DACH2: variants seen among roughly 807,000 people sequenced by gnomAD.
DACH2 encodes dachshund homolog 2.
Under a neutral mutation model 35.8 loss-of-function variants are expected in DACH2, and 17 were observed. That is an observed-to-expected ratio of 0.48 (90% CI 0.33 to 0.71). The LOEUF (loss-of-function observed/expected upper bound fraction) is 0.71. Ranked by LOEUF, DACH2 falls within the 30% of genes least tolerant of loss-of-function variation. The pLI is 0.02. For synonymous variants in DACH2, 195 were observed against 177.3 expected, an observed-to-expected ratio of 1.10 and a Z score of -0.79; for missense variants, 469 against 472.7, an observed-to-expected ratio of 0.99 and a Z score of 0.07.
chrX:86,751,468 A>C (rs1358219462), intron 7 of DACH2, among the ~76,000 whole-genome samples: 1 of 110,986 alleles, frequency 9.0e-6, no homozygotes, highest in African/African-American at 3.3e-5. Context: ...AAAATTCAAC[A>C]CCCCTTCATG....
At chrX:86,774,644 C>T (rs2042014670) in intron 7 of DACH2, among the ~76,000 whole-genome samples, 2 of 111,686 alleles carry the variant, frequency 1.8e-5, no homozygotes, top group Non-Finnish European at 3.8e-5. Context: ...CACAATGGTT[C>T]GGATCCTTTA....
Position 86,398,367 on chromosome X carries a change from G to GT in DACH2, c.527+21512dup, listed in dbSNP as rs1437422829. Reference sequence around the variant, plus strand: ...CCTGGATTCATTGATTTTTTGAAGGGTTTTTTTGTGTCTCTATTTCCTTCA... The same window carrying GT: ...CCTGGATTCATTGATTTTTTGAAGGGTTTTTTTTGTGTCTCTATTTCCTTCA... On this transcript the variant is annotated intron_variant, in intron 2 of 11. Coordinates refer to ENST00000373125, the MANE Select transcript of DACH2 (RefSeq NM_053281.3). Among the ~76,000 whole-genome samples the GT allele has an allele frequency of 2.3e-4, 26 of 112,253 alleles. 1 individual carries two copies. In the East Asian group the frequency reaches 6.4e-3, roughly 28 times the overall value.
intron 5 of DACH2, among the ~76,000 whole-genome samples, chrX:86,713,430 G>A (rs1036432640): frequency 9.0e-6 from 1 of 111,139 alleles, no homozygotes; most frequent in Non-Finnish European, 1.9e-5. Context: ...AAAGTGAAGC[G>A]ATTACCAAGA....
At chrX:86,470,785 A>G (rs2037749689) in intron 2 of DACH2, among the ~76,000 whole-genome samples, 1 of 111,531 alleles carries the variant, frequency 9.0e-6, no homozygotes, top group African/African-American at 3.3e-5. Flanking sequence ...CCAAATCTGT[A>G]AAAATAAAAG....
intron 3 of DACH2, among the ~76,000 whole-genome samples, chrX:86,620,900 C>T (rs771281604): frequency 4.0e-4 from 44 of 110,804 alleles, no homozygotes; most frequent in Non-Finnish European, 7.7e-4. Flanking sequence ...TCTCTGTTTT[C>T]AGTATAGAGA....
At chrX:86,329,465 T>C (rs934643394) in intron 1 of DACH2, among the ~76,000 whole-genome samples, 1 of 111,422 alleles carries the variant, frequency 9.0e-6, no homozygotes, top group African/African-American at 3.3e-5. Flanking sequence ...TTGTGATGGC[T>C]CCAGTGGGAG....
At chrX:86,321,171 T>C (rs1233252430) in intron 1 of DACH2, among the ~76,000 whole-genome samples, 1 of 111,313 alleles carries the variant, frequency 9.0e-6, no homozygotes, top group Admixed American at 9.6e-5. Flanking sequence ...TTGAAGAGGG[T>C]CTTAGTGCCT....
At chrX:86,204,032 G>A (rs2032221492) in intron 1 of DACH2, among the ~76,000 whole-genome samples, 1 of 111,502 alleles carries the variant, frequency 9.0e-6, no homozygotes, top group Non-Finnish European at 1.9e-5. Flanking sequence ...TATTATTTGT[G>A]TATTTAAGCC....
intron 7 of DACH2, among the ~76,000 whole-genome samples, chrX:86,774,647 A>T (rs1347063254): frequency 1.8e-5 from 2 of 111,927 alleles, no homozygotes; most frequent in Non-Finnish European, 3.8e-5. Flanking sequence ...AATGGTTCGG[A>T]TCCTTTACAT....
Position 86,607,529 on chromosome X carries a change from T to C in DACH2, c.641-43507T>C, listed in dbSNP as rs1464096286. ...GTTTCCCCAGTTTTTATCTTTTTGTTGTTTCTATTTATATCTTATTGTACT... is the reference window on the plus strand; with the variant it reads ...GTTTCCCCAGTTTTTATCTTTTTGTCGTTTCTATTTATATCTTATTGTACT... On this transcript the variant is annotated intron_variant, in intron 3 of 11. Coordinates refer to ENST00000373125, the MANE Select transcript of DACH2 (RefSeq NM_053281.3). Among the ~76,000 whole-genome samples the C allele has an allele frequency of 1.8e-5, 2 of 111,571 alleles. 1 individual carries two copies. Among genetic ancestry groups the C allele is most frequent in the Non-Finnish European group, 3.8e-5 (2 of 53,112 alleles).
intron 1 of DACH2, among the ~76,000 whole-genome samples, chrX:86,275,054 G>A (rs2033893208): frequency 9.0e-6 from 1 of 111,556 alleles, no homozygotes; most frequent in South Asian, 3.7e-4. Flanking sequence ...ATTTCTACTG[G>A]CATATTTTAG....
chrX:86,254,807 T>TATATATATATATAGAGAGAGAG (rs1380613474), intron 1 of DACH2, among the ~76,000 whole-genome samples: 4 of 49,652 alleles, frequency 8.1e-5, no homozygotes, highest in African/African-American at 4.7e-4. Flanking sequence ...TATATATATA[T>TATATATATATATAGAGAGAGAG]AGAGAGAGAG....
At position 86,726,307 on chromosome X, in the gene DACH2, A is replaced by C. The variant is rs141704600; in HGVS notation, c.1104+11587A>C. On this transcript the variant is annotated intron_variant, in intron 6 of 11. Transcript: ENST00000373125. ...TGGCAGATGCAGCAGAGTCAGCCCA[A>C]ACTCTGTCCATTGGTGGGGCACAGC... Among the ~76,000 whole-genome samples, 473 of 111,429 alleles carry C rather than the reference A, an allele frequency of 4.2e-3. 3 individuals carry two copies. The highest frequency in any genetic ancestry group is 0.015 in the African/African-American group (449 of 30,629).
intron 2 of DACH2, among the ~76,000 whole-genome samples, chrX:86,430,758 A>C (rs1188790697): frequency 1.8e-5 from 2 of 112,221 alleles, no homozygotes; most frequent in Non-Finnish European, 3.8e-5. Flanking sequence ...TAAGGATCCC[A>C]AAAAGCATTC....
At chrX:86,399,287 G>C (rs1018294410) in intron 2 of DACH2, among the ~76,000 whole-genome samples, 1 of 111,525 alleles carries the variant, frequency 9.0e-6, no homozygotes, top group African/African-American at 3.3e-5. Flanking sequence ...CTGCACATGA[G>C]ATGAGTTTCC....
intron 1 of DACH2, among the ~76,000 whole-genome samples, chrX:86,171,369 C>T (rs921547754): frequency 2.7e-5 from 3 of 110,948 alleles, no homozygotes; most frequent in Admixed American, 1.9e-4. Context: ...TGCCTTCCCC[C>T]GCAACCACCC....
chrX:86,187,836 G>T (rs2031727099), intron 1 of DACH2, among the ~76,000 whole-genome samples: 1 of 111,647 alleles, frequency 9.0e-6, no homozygotes, highest in Non-Finnish European at 1.9e-5. Flanking sequence ...AAGAAAGGAG[G>T]AACCTCTAGG....
intron 6 of DACH2, among the ~76,000 whole-genome samples, chrX:86,719,988 G>A (rs6623763): frequency 1.1e-5 from 1 of 93,172 alleles, no homozygotes; most frequent in Non-Finnish European, 2.1e-5. Flanking sequence ...GCCCAGCCTA[G>A]AGTGCAGTGG....
intron 7 of DACH2, among the ~76,000 whole-genome samples, chrX:86,788,100 C>T (rs1000464261): frequency 1.8e-5 from 2 of 110,784 alleles, no homozygotes; most frequent in Non-Finnish European, 3.8e-5. Flanking sequence ...TGGGAGGGGC[C>T]GCATGCGCAG....
Sources: gnomAD v4.1 joint callset for allele counts (sites outside exome capture counted in the v4.1 genomes callset) on GRCh38, gnomAD v4.1.1 for gene constraint, MANE v1.5 for transcripts, NCBI Gene and HGNC (gene_info 2026-07-23, HGNC 2026-07-21) for gene names.